DYSF: variants seen among roughly 807,000 people sequenced by gnomAD.
DYSF encodes the protein dysferlin.
DYSF carries 212 observed loss-of-function variants against 274.9 expected under a neutral mutation model. The observed-to-expected ratio is 0.77, with a 90% CI of 0.69 to 0.86. The LOEUF (loss-of-function observed/expected upper bound fraction) is 0.86, where lower values mean the gene tolerates loss of function less well. Among genes scored for constraint, DYSF ranks in the 40% least tolerant of loss-of-function variants. The pLI is 0.00. For missense variants in DYSF, 2,666 were observed against 2,783.2 expected (o/e 0.96, Z 0.95); for synonymous variants, 1,091 against 1,078.7 (o/e 1.01, Z -0.22).
Position 71,471,745 on chromosome 2 carries a change from G to A in DYSF, c.91+4812G>A, listed in dbSNP as rs556410134. Among the ~76,000 whole-genome samples the A allele has an allele frequency of 7.2e-5, 11 of 152,230 alleles. No individual in the cohort carries two copies. In the East Asian group the frequency reaches 1.2e-3, roughly 16 times the overall value. ...AGCACTTTGGGAGGCTGAGGTGGGCGGATTGCTTGAGGCCAGGAGTTCCAG... is the reference window on the plus strand; with the variant it reads ...AGCACTTTGGGAGGCTGAGGTGGGCAGATTGCTTGAGGCCAGGAGTTCCAG... On this transcript the variant is annotated intron_variant, in intron 1 of 55. Coordinates refer to ENST00000410020, the MANE Select transcript of DYSF (RefSeq NM_001130987.2).
intron 1 of DYSF, among the ~76,000 whole-genome samples, chr2:71,478,681 C>G (rs760369348): frequency 2.6e-5 from 4 of 152,106 alleles, no homozygotes; most frequent in Non-Finnish European, 4.4e-5. Flanking sequence ...GGAGCTCCCC[C>G]CTCTCCCTGG....
intron 46 of DYSF, among the ~76,000 whole-genome samples, 187 bp from the exon 47 acceptor site, chr2:71,664,975 C>G (rs2094968608): frequency 6.6e-6 from 1 of 152,236 alleles, no homozygotes; most frequent in Non-Finnish European, 1.5e-5. Flanking sequence ...CCTTTTCTCT[C>G]TGAGCCTCCA....
intron 32 of DYSF, among the ~76,000 whole-genome samples, chr2:71,597,696 A>G (rs2093439543): frequency 6.6e-6 from 1 of 152,154 alleles, no homozygotes; most frequent in Admixed American, 6.5e-5. Context: ...GCTGGGTCCC[A>G]GGGTGGCGTG....
At chr2:71,569,151 G>A (rs1251531429) in intron 26 of DYSF, among the ~76,000 whole-genome samples, 1 of 152,228 alleles carries the variant, frequency 6.6e-6, no homozygotes, top group Non-Finnish European at 1.5e-5. Context: ...TGGGATTACA[G>A]GCTTGAGCCA....
At chr2:71,662,515 TGTGTGTCTGTGTTC>T (rs1385586407) in intron 45 of DYSF, among the ~76,000 whole-genome samples, 2 of 148,470 alleles carry the variant, frequency 1.3e-5, no homozygotes, top group African/African-American at 2.5e-5. Context: ...TATATGTGTA[TGTGTGTCTGTGTTC>T]GTGTGTCTGT....
At chr2:71,605,685 C>T (rs2093634348) in intron 36 of DYSF, among the ~76,000 whole-genome samples, 1 of 152,100 alleles carries the variant, frequency 6.6e-6, no homozygotes, top group Non-Finnish European at 1.5e-5. Context: ...ACTCCATCCA[C>T]CCATCCAGGC....
In DYSF at chr2:71,478,043, G is replaced by GTTTTT. The variant is rs61140655; in HGVS notation, c.92-2829_92-2825dup. On this transcript the variant is annotated intron_variant, in intron 1 of 55. Coordinates refer to ENST00000410020, the MANE Select transcript of DYSF (RefSeq NM_001130987.2). ...ACTTTTCCTTTTTTGGGAAGTTATAGTTTTTTTTTTTTTTTGCTATATATG... is the reference window on the plus strand; with the variant it reads ...ACTTTTCCTTTTTTGGGAAGTTATAGTTTTTTTTTTTTTTTTTTTTGCTATATATG... 6.3e-4 allele frequency among the ~76,000 whole-genome samples: 82 copies of GTTTTT among 129,216 alleles called. 1 individual carries two copies. Among genetic ancestry groups the GTTTTT allele is most frequent in the African/African-American group, 1.6e-3 (59 of 36,142 alleles). The allele number at this position is 129,216 out of a possible 152,430, so 84.8% of individuals were successfully genotyped here. A position where few individuals can be genotyped will look rare whatever the true frequency, so the allele number is the denominator to read the frequency against.
At chr2:71,510,755 T>A (rs2086008630) in intron 4 of DYSF, among the ~76,000 whole-genome samples, 1 of 152,204 alleles carries the variant, frequency 6.6e-6, no homozygotes, top group Non-Finnish European at 1.5e-5. Context: ...ACATTATGCC[T>A]CAGGAAAAAT....
At chr2:71,571,955 C>T (rs1319622342) in intron 29 of DYSF, among the ~76,000 whole-genome samples, 1 of 148,892 alleles carries the variant, frequency 6.7e-6, no homozygotes, top group Non-Finnish European at 1.5e-5. Context: ...ACACCCAGCA[C>T]ACCCACAGAT....
At chr2:71,493,870 A>AAAAAAAG (rs2084118269) in intron 3 of DYSF, among the ~76,000 whole-genome samples, 1 of 144,004 alleles carries the variant, frequency 6.9e-6, no homozygotes, top group Non-Finnish European at 1.5e-5. Context: ...AAAAAAAAAA[A>AAAAAAAG]AAAAGAAAGA....
intron 43 of DYSF, 149 bp downstream of exon 43, chr2:71,656,439 G>A (rs910712843): frequency 1.1e-4 from 130 of 1,191,726 alleles, no homozygotes; most frequent in South Asian, 7.3e-5. Context: ...TGGTGATGCC[G>A]CTGACGCAGA....
chr2:71,679,853 C>T (rs2095274545), intron 53 of DYSF, among the ~76,000 whole-genome samples: 1 of 151,970 alleles, frequency 6.6e-6, no homozygotes, highest in African/African-American at 2.4e-5. Context: ...ACATGCATAG[C>T]TAATTCACAA....
Position 71,668,811 on chromosome 2 carries a change from C to T in DYSF, c.5515C>T (p.Pro1839Ser), listed in dbSNP as rs1246530144. The T allele has an allele frequency of 6.2e-7, 1 of 1,613,914 alleles. No homozygotes were observed. The highest frequency in any genetic ancestry group is 1.1e-5 in the South Asian group (1 of 91,020). ...FPKALGRPGP[P>S]FNITPRRARR... is the part of the protein sequence containing the mutation. Reference sequence around the variant, plus strand: ...GAAGGCCCTGGGGCGGCCTGGACCTCCCTTCAACATCACCCCACGGAGAGC... The same window carrying T: ...GAAGGCCCTGGGGCGGCCTGGACCTTCCTTCAACATCACCCCACGGAGAGC... Residue 1839 changes from proline to serine, a missense_variant, in exon 49 of 56, where the codon CCC (proline) becomes TCC (serine). This residue lies in a region of DYSF where 1,460 missense variants were observed against 1,502.1 expected (regional missense o/e 0.97). Coordinates refer to ENST00000410020, the MANE Select transcript of DYSF (RefSeq NM_001130987.2).
At chr2:71,650,845 A>G (rs748852156) in intron 42 of DYSF, among the ~76,000 whole-genome samples, 3 of 152,232 alleles carry the variant, frequency 2.0e-5, no homozygotes, top group Non-Finnish European at 2.9e-5. Context: ...AAAACACTAC[A>G]TATTAGAACT....
intron 1 of DYSF, among the ~76,000 whole-genome samples, chr2:71,477,988 T>C (rs2082529986): frequency 6.6e-6 from 1 of 151,408 alleles, no homozygotes; most frequent in Non-Finnish European, 1.5e-5. Flanking sequence ...AGCCAAGCAT[T>C]AAAGAGATTT....
At chr2:71,618,063 AGAT>A (rs2093953485) in intron 40 of DYSF, among the ~76,000 whole-genome samples, 1 of 34,318 alleles carries the variant, frequency 2.9e-5, no homozygotes, top group African/African-American at 1.0e-4. Context: ...TGTGTGGTAG[AGAT>A]GGGGTGTGTG....
At chr2:71,487,456 G>T (rs2083452830) in intron 3 of DYSF, among the ~76,000 whole-genome samples, 1 of 152,300 alleles carries the variant, frequency 6.6e-6, no homozygotes, top group Non-Finnish European at 1.5e-5. Context: ...GATGGCAGGG[G>T]GGCAGTGTGC....
chr2:71,596,824 A>G (rs1187309670), intron 32 of DYSF, among the ~76,000 whole-genome samples: 1 of 152,164 alleles, frequency 6.6e-6, no homozygotes, highest in South Asian at 2.1e-4. Context: ...GCTGCCTTCT[A>G]TTAACCAGAC....
At position 71,539,262 on chromosome 2, in the gene DYSF, C is replaced by T. The variant is rs766161191; in HGVS notation, c.1576+23C>T. The stretch of plus-strand genomic sequence containing the variant: ...AAGGTATGTTCCCTCTTCGTTCTGC[C>T]CTTTGACCCCCTGTGCTCTCCCCCG... On this transcript the variant is annotated intron_variant, in intron 17 of 55. Coordinates refer to ENST00000410020, the MANE Select transcript of DYSF (RefSeq NM_001130987.2). 23 of 1,602,416 alleles carry T rather than the reference C, an allele frequency of 1.4e-5. No homozygotes were observed. In the South Asian group the frequency reaches 2.5e-4, roughly 18 times the overall value.
Sources: allele counts gnomAD v4.1 joint callset (sites outside exome capture counted in the v4.1 genomes callset), GRCh38; gene constraint gnomAD v4.1.1; regional missense constraint gnomAD v4.1.1; transcripts MANE v1.5; gene names NCBI Gene and HGNC (gene_info 2026-07-23, HGNC 2026-07-21).